The following ZNF385D variants were observed in gnomAD, a reference collection of about 807,000 sequenced individuals.
ZNF385D encodes zinc finger protein 385D, also known as zinc finger protein 659.
ZNF385D carries 15 observed loss-of-function variants against 35.8 expected under a neutral mutation model. That is an observed-to-expected ratio of 0.42 (90% CI 0.28 to 0.64). The LOEUF (loss-of-function observed/expected upper bound fraction) is 0.64. Among genes scored for constraint, ZNF385D ranks in the 30% least tolerant of loss-of-function variants. ZNF385D has a pLI of 0.23. For missense variants in ZNF385D, 474 were observed against 494.6 expected (o/e 0.96, Z 0.39); for synonymous variants, 212 against 186.8 (o/e 1.13, Z -1.10).
intron 3 of ZNF385D, among the ~76,000 whole-genome samples, chr3:21,850,009 G>A (rs1381292269): frequency 2.0e-5 from 3 of 151,994 alleles, no homozygotes; most frequent in East Asian, 3.9e-4. Flanking sequence ...CTGCCAAAGC[G>A]TTGGAATCAC....
intron 2 of ZNF385D, among the ~76,000 whole-genome samples, chr3:21,598,257 C>CTGATT (rs1477125065): frequency 6.6e-6 from 1 of 152,034 alleles, no homozygotes; most frequent in Non-Finnish European, 1.5e-5. Context: ...TATCTCATTT[C>CTGATT]TGATTTATTT....
intron 3 of ZNF385D, among the ~76,000 whole-genome samples, chr3:22,007,624 C>T (rs565409363): frequency 1.3e-4 from 20 of 152,288 alleles, no homozygotes; most frequent in African/African-American, 4.8e-4. Flanking sequence ...GTAGGTATTT[C>T]GTCACAGTTT....
intron 2 of ZNF385D, among the ~76,000 whole-genome samples, chr3:22,281,359 G>A (rs1701730371): frequency 6.6e-6 from 1 of 152,050 alleles, no homozygotes; most frequent in Non-Finnish European, 1.5e-5. Flanking sequence ...TCAGTATAAT[G>A]TGGGCTATGG....
chr3:21,950,848 A>G (rs1006311678), intron 3 of ZNF385D, among the ~76,000 whole-genome samples: 1 of 151,576 alleles, frequency 6.6e-6, no homozygotes, highest in African/African-American at 2.4e-5. Context: ...CAAAAATCCA[A>G]TGGTTGTAGA....
chr3:21,906,203 T>C (rs1005879906), intron 3 of ZNF385D, among the ~76,000 whole-genome samples: 1 of 152,208 alleles, frequency 6.6e-6, no homozygotes, highest in African/African-American at 2.4e-5. Context: ...CCTACTATTT[T>C]GTACTGTAAT....
intron 3 of ZNF385D, among the ~76,000 whole-genome samples, chr3:22,151,358 G>A (rs1705221605): frequency 2.0e-5 from 3 of 152,242 alleles, no homozygotes; most frequent in Middle Eastern, 6.8e-3. Context: ...AGAGTATTAT[G>A]TTATTAAATA....
intron 3 of ZNF385D, among the ~76,000 whole-genome samples, chr3:21,809,641 T>A (rs1240930766): frequency 1.4e-5 from 2 of 138,944 alleles, no homozygotes; most frequent in Non-Finnish European, 3.2e-5. Context: ...TATATACACA[T>A]ATACATATAC....
intron 3 of ZNF385D, among the ~76,000 whole-genome samples, chr3:22,140,827 G>A (rs1003383943): frequency 6.6e-6 from 1 of 152,196 alleles, no homozygotes; most frequent in Non-Finnish European, 1.5e-5. Flanking sequence ...AGGCCAAGGG[G>A]CAGGGCAAGG....
rs187711815 is a variant in ZNF385D, at chr3:22,242,751, G to T, written c.107-73716C>A. On this transcript the variant is annotated intron_variant, in intron 2 of 5. Coordinates refer to the ZNF385D transcript ENST00000494108. ...AATATGAATAAAGACCATAGTTAAT[G>T]GATTATACCAATTTTAATATTTTAG... Among the ~76,000 whole-genome samples, 14 of 150,960 alleles carry T rather than the reference G, an allele frequency of 9.3e-5. No individual in the cohort carries two copies. In the East Asian group the frequency reaches 2.7e-3, roughly 30 times the overall value.
intron 3 of ZNF385D, among the ~76,000 whole-genome samples, chr3:22,114,906 A>G (rs1702730978): frequency 6.6e-6 from 1 of 152,092 alleles, no homozygotes; most frequent in African/African-American, 2.4e-5. Context: ...TTTGCCCTTC[A>G]GCCTTCCACC....
At chr3:22,205,063 C>A (rs1476737699) in intron 2 of ZNF385D, among the ~76,000 whole-genome samples, 1 of 148,688 alleles carries the variant, frequency 6.7e-6, no homozygotes, top group Non-Finnish European at 1.5e-5. Context: ...ACAATGACTT[C>A]AAGGCAAATC....
chr3:22,357,113 T>C (rs898343790), intron 2 of ZNF385D, among the ~76,000 whole-genome samples: 3 of 151,948 alleles, frequency 2.0e-5, no homozygotes, highest in African/African-American at 7.2e-5. Context: ...CATAATTACA[T>C]AGTACTTTTC....
At chr3:21,928,172 C>T (rs1700828313) in intron 3 of ZNF385D, among the ~76,000 whole-genome samples, 1 of 151,660 alleles carries the variant, frequency 6.6e-6, no homozygotes, top group African/African-American at 2.4e-5. Flanking sequence ...CTTCACATGA[C>T]TGCACTACAG....
In ZNF385D at chr3:21,446,381, T is replaced by A. The variant is rs954978443; in HGVS notation, c.440-9178A>T. The stretch of plus-strand genomic sequence containing the variant: ...CGACATGGGACTTTCAGTGCTAAAA[T>A]TGGCACATCCCAGGCAAGCCAGGGG... On this transcript the variant is annotated intron_variant, in intron 4 of 7. Transcript: ENST00000281523. Among the ~76,000 whole-genome samples, 4 of 151,726 alleles carry A rather than the reference T, an allele frequency of 2.6e-5. No homozygotes were observed. In the East Asian group the frequency reaches 7.7e-4, roughly 29 times the overall value.
intron 2 of ZNF385D, among the ~76,000 whole-genome samples, chr3:21,587,073 A>T (rs1452368091): frequency 6.6e-6 from 1 of 152,136 alleles, no homozygotes. Context: ...TTTTGGTATG[A>T]ATGGAGAATA....
chr3:21,628,027 T>C lies in ZNF385D; in HGVS notation c.165+36859A>G, dbSNP rs140774319. On this transcript the variant is annotated intron_variant, in intron 2 of 7. Transcript: ENST00000281523. Reference sequence around the variant, plus strand: ...TTTGTCTGAGATTTGCAAGACAAAATTGAGCAATGCTTGAATGAGTTTACT... The same window carrying C: ...TTTGTCTGAGATTTGCAAGACAAAACTGAGCAATGCTTGAATGAGTTTACT... Among the ~76,000 whole-genome samples, 1,363 of 152,230 alleles carry C rather than the reference T, an allele frequency of 9.0e-3. 16 individuals are homozygous for C. The highest frequency in any genetic ancestry group is 0.031 in the African/African-American group (1,291 of 41,544).
At chr3:21,719,251 T>C (rs1259247802) in intron 1 of ZNF385D, among the ~76,000 whole-genome samples, 1 of 152,190 alleles carries the variant, frequency 6.6e-6, no homozygotes, top group African/African-American at 2.4e-5. Flanking sequence ...TCCCAGGTGG[T>C]CACGTTATGT....
chr3:21,968,124 G>A (rs550033040), intron 3 of ZNF385D, among the ~76,000 whole-genome samples: 12 of 152,230 alleles, frequency 7.9e-5, no homozygotes, highest in Admixed American at 7.9e-4. Context: ...AAGGGATTGT[G>A]GGACTTCACA....
intron 3 of ZNF385D, among the ~76,000 whole-genome samples, chr3:21,806,427 G>T (rs758132265): frequency 1.3e-5 from 2 of 151,908 alleles, no homozygotes; most frequent in Non-Finnish European, 2.9e-5. Flanking sequence ...GGATGGTCTC[G>T]ATCTCCTGAC....
Sources: allele counts gnomAD v4.1 joint callset (sites outside exome capture counted in the v4.1 genomes callset), GRCh38; gene constraint gnomAD v4.1.1; transcripts MANE v1.5; gene names NCBI Gene and HGNC (gene_info 2026-07-23, HGNC 2026-07-21).